Variants in CCDC91 observed in about 807,000 individuals in gnomAD.
The protein encoded by CCDC91 is coiled-coil domain containing 91.
Under a neutral mutation model 63.2 loss-of-function variants are expected in CCDC91, and 48 were observed. The observed-to-expected ratio is 0.76, with a 90% confidence interval of 0.60 to 0.97. CCDC91 has a LOEUF of 0.97. Among genes scored for constraint, CCDC91 ranks in the 50% least tolerant of loss-of-function variants. CCDC91 has a pLI of 0.00. For missense variants in CCDC91, 500 were observed against 494.6 expected (o/e 1.01, Z -0.10); for synonymous variants, 167 against 165.8 (o/e 1.01, Z -0.06).
chr12:28,346,719 A>T (rs1942837236), intron 6 of CCDC91, among the ~76,000 whole-genome samples: 1 of 152,176 alleles, frequency 6.6e-6, no homozygotes, highest in South Asian at 2.1e-4. Context: ...ACCCTCCAGG[A>T]ACCTTCATGT....
intron 7 of CCDC91, among the ~76,000 whole-genome samples, chr12:28,388,899 A>G (rs1303579900): frequency 6.6e-6 from 1 of 152,190 alleles, no homozygotes; most frequent in Non-Finnish European, 1.5e-5. Context: ...GAAACTATAA[A>G]AATTCTGAAA....
intron 6 of CCDC91, among the ~76,000 whole-genome samples, chr12:28,355,539 A>G (rs1463209680): frequency 6.6e-6 from 1 of 152,148 alleles, no homozygotes; most frequent in Non-Finnish European, 1.5e-5. Context: ...AGGGTGATGA[A>G]TTTAGTGTGA....
intron 7 of CCDC91, among the ~76,000 whole-genome samples, chr12:28,363,296 T>A (rs1210375589): frequency 2.0e-5 from 3 of 152,272 alleles, no homozygotes; most frequent in Middle Eastern, 3.4e-3. Context: ...CTAAATTTAC[T>A]CTTTCTTGCT....
rs767188877 is a variant in CCDC91, at chr12:28,366,531, A to T, written c.654+4016A>T. On this transcript the variant is annotated intron_variant, in intron 7 of 12. Transcript: ENST00000536442. ...ACTTTTATCAGCTTATAAATGAGGA[A>T]CTCTTCTATCTCCTCACTGGGGTGG... 1.6e-4 allele frequency among the ~76,000 whole-genome samples: 24 copies of T among 152,286 alleles called. 1 individual carries two copies. Among genetic ancestry groups the T allele is most frequent in the Non-Finnish European group, 2.9e-4 (20 of 68,024 alleles).
Position 28,330,171 on chromosome 12 carries a change from G to T in CCDC91, c.576+22422G>T, listed in dbSNP as rs536599681. On this transcript the variant is annotated intron_variant, in intron 6 of 12. Coordinates refer to ENST00000536442, the MANE Select transcript of CCDC91 (RefSeq NM_018318.5). ...GGGTCAAATGCTATTTCTAGTTCTAGATCCTTAAGGAATCGCCACACTGTC... is the reference window on the plus strand; with the variant it reads ...GGGTCAAATGCTATTTCTAGTTCTATATCCTTAAGGAATCGCCACACTGTC... 3.2e-3 allele frequency among the ~76,000 whole-genome samples: 484 copies of T among 152,230 alleles called. 7 individuals are homozygous for T. The highest frequency in any genetic ancestry group is 0.011 in the African/African-American group (451 of 41,524).
chr12:28,471,766 TTGAAA>T (rs971150401), intron 11 of CCDC91, among the ~76,000 whole-genome samples: 1 of 152,066 alleles, frequency 6.6e-6, no homozygotes, highest in Non-Finnish European at 1.5e-5. Context: ...CTCTTTTTTT[TTGAAA>T]TGGGGTCTTG....
chr12:28,473,134 T>A (rs11836748), intron 11 of CCDC91, among the ~76,000 whole-genome samples: 15,741 of 152,168 alleles, frequency 0.1, 2,173 homozygotes, highest in African/African-American at 0.32. Context: ...CAAAAGCTAA[T>A]GTCTTAAGCT....
intron 12 of CCDC91, among the ~76,000 whole-genome samples, chr12:28,491,781 T>C (rs1461764087): frequency 6.6e-6 from 1 of 151,786 alleles, no homozygotes; most frequent in Non-Finnish European, 1.5e-5. Context: ...CTCAGATTAT[T>C]GGGGGCAATA....
At chr12:28,370,618 T>C (rs780200441) in intron 7 of CCDC91, among the ~76,000 whole-genome samples, 1 of 152,224 alleles carries the variant, frequency 6.6e-6, no homozygotes, top group Non-Finnish European at 1.5e-5. Context: ...TTTAGGTGTC[T>C]TTATAGCAGC....
chr12:28,325,291 G>T (rs865897414), intron 6 of CCDC91, among the ~76,000 whole-genome samples: 4 of 151,974 alleles, frequency 2.6e-5, no homozygotes, highest in Non-Finnish European at 5.9e-5. Context: ...CTGTTAGGAG[G>T]TCTGAATGTA....
chr12:28,208,299 GGTCTACA>G (rs1203277980), intron 1 of CCDC91, among the ~76,000 whole-genome samples: 1 of 147,190 alleles, frequency 6.8e-6, no homozygotes, highest in Non-Finnish European at 1.5e-5. Context: ...TTATTTCTGT[GGTCTACA>G]ATAACTTAAC....
intron 12 of CCDC91, among the ~76,000 whole-genome samples, chr12:28,515,580 A>G (rs1397727808): frequency 1.3e-5 from 2 of 151,942 alleles, no homozygotes; most frequent in Admixed American, 6.6e-5. Flanking sequence ...TAGAAAATAC[A>G]TAGGAGAGTG....
intron 7 of CCDC91, among the ~76,000 whole-genome samples, chr12:28,373,137 C>G (rs1019084729): frequency 1.3e-5 from 2 of 151,998 alleles, no homozygotes; most frequent in Non-Finnish European, 2.9e-5. Flanking sequence ...AGTTTTTGTT[C>G]GTTGATTTTA....
At chr12:28,477,714 G>A (rs566117985) in intron 11 of CCDC91, among the ~76,000 whole-genome samples, 13 of 152,140 alleles carry the variant, frequency 8.5e-5, no homozygotes, top group Non-Finnish European at 1.5e-4. Context: ...CTAAAAAACC[G>A]CATCGTCTTA....
At chr12:28,392,554 A>G (rs921481575) in intron 8 of CCDC91, among the ~76,000 whole-genome samples, 2 of 152,216 alleles carry the variant, frequency 1.3e-5, no homozygotes, top group African/African-American at 4.8e-5. Context: ...TTATATCCAC[A>G]TGGTTCCACC....
At position 28,196,583 on chromosome 12, in the gene CCDC91, T is replaced by G. The variant is rs192395133; in HGVS notation, c.-15+5942T>G. Among the ~76,000 whole-genome samples the G allele has an allele frequency of 1.1e-3, 166 of 152,322 alleles. 2 individuals are homozygous for G. Among genetic ancestry groups the G allele is most frequent in the African/African-American group, 3.8e-3 (160 of 41,568 alleles). On this transcript the variant is annotated intron_variant, in intron 1 of 12. Coordinates refer to ENST00000536442, the MANE Select transcript of CCDC91 (RefSeq NM_018318.5). ...TTACCATTGAGTAGTTAGCTGTAAGTTTTTTGTGGATATCATTTTGACCCA... is the reference window on the plus strand; with the variant it reads ...TTACCATTGAGTAGTTAGCTGTAAGGTTTTTGTGGATATCATTTTGACCCA...
At chr12:28,278,277 T>C (rs1258343148) in intron 3 of CCDC91, among the ~76,000 whole-genome samples, 1 of 152,074 alleles carries the variant, frequency 6.6e-6, no homozygotes, top group Non-Finnish European at 1.5e-5. Context: ...TGATCTTCCC[T>C]TTTGACTTCT....
intron 3 of CCDC91, among the ~76,000 whole-genome samples, chr12:28,277,684 C>T (rs561596848): frequency 6.6e-6 from 1 of 151,972 alleles, no homozygotes; most frequent in Non-Finnish European, 1.5e-5. Flanking sequence ...TCCTTTTTTT[C>T]ACTTTGATCA....
intron 7 of CCDC91, among the ~76,000 whole-genome samples, chr12:28,389,302 T>A (rs1244890002): frequency 1.3e-5 from 2 of 152,132 alleles, no homozygotes; most frequent in Admixed American, 1.3e-4. Context: ...TGTGGAAGAC[T>A]TTTAAAAAAA....
Sources: allele counts gnomAD v4.1 joint callset (sites outside exome capture counted in the v4.1 genomes callset), GRCh38; gene constraint gnomAD v4.1.1; transcripts MANE v1.5; gene names NCBI Gene and HGNC (gene_info 2026-07-23, HGNC 2026-07-21).